The following SLC4A7 variants were observed in gnomAD, a reference collection of about 807,000 sequenced individuals.
SLC4A7 encodes the protein solute carrier family 4 member 7, also known as sodium bicarbonate cotransporter 3.
A neutral mutation model predicts 137.6 loss-of-function variants in SLC4A7; 51 were observed. The observed-to-expected ratio is 0.37, with a 90% CI of 0.30 to 0.47. SLC4A7 has a LOEUF of 0.47. SLC4A7 is among the 20% of genes least tolerant of loss of function. The pLI, the probability that SLC4A7 is intolerant of heterozygous loss-of-function variation, is 1.00. For synonymous variants in SLC4A7, 542 were observed against 518.6 expected, an observed-to-expected ratio of 1.05 and a Z score of -0.61; for missense variants, 1,247 against 1,525.4, an observed-to-expected ratio of 0.82 and a Z score of 3.04.
chr3:27,435,850 C>G (rs568314330), intron 5 of SLC4A7, among the ~76,000 whole-genome samples: 2 of 151,830 alleles, frequency 1.3e-5, no homozygotes, highest in East Asian at 1.9e-4. Context: ...GTGATCCCCC[C>G]CTTAAAAAAA....
intron 11 of SLC4A7, among the ~76,000 whole-genome samples, chr3:27,416,980 AT>A (rs1412336175): frequency 6.6e-6 from 1 of 152,194 alleles, no homozygotes; most frequent in Non-Finnish European, 1.5e-5. Flanking sequence ...TAGAAAGCTG[AT>A]TTTAAAGCCT....
intron 15 of SLC4A7, among the ~76,000 whole-genome samples, chr3:27,401,860 A>G (rs1055319382): frequency 1.3e-5 from 2 of 152,236 alleles, no homozygotes; most frequent in African/African-American, 4.8e-5. Context: ...AAAGGCAAGG[A>G]AAGAAAGATT....
intron 1 of SLC4A7, among the ~76,000 whole-genome samples, chr3:27,464,757 C>A (rs944250473): frequency 6.6e-6 from 1 of 151,866 alleles, no homozygotes; most frequent in Non-Finnish European, 1.5e-5. Context: ...GTGAGACAGT[C>A]AAGTAAAAAG....
At chr3:27,423,852 G>T in intron 8 of SLC4A7, 185 bp downstream of exon 8, 1 of 521,906 alleles carries the variant, frequency 1.9e-6, no homozygotes, top group Non-Finnish European at 3.4e-6. Flanking sequence ...GTACTCACAG[G>T]TTAACTGTAA....
intron 4 of SLC4A7, among the ~76,000 whole-genome samples, chr3:27,436,764 A>G (rs2056770375): frequency 6.6e-6 from 1 of 152,182 alleles, no homozygotes; most frequent in African/African-American, 2.4e-5. Flanking sequence ...GTATCATAAT[A>G]ATAAGCCTAC....
Sources: gnomAD v4.1 joint callset for allele counts (sites outside exome capture counted in the v4.1 genomes callset) on GRCh38, gnomAD v4.1.1 for gene constraint, MANE v1.5 for transcripts, NCBI Gene and HGNC (gene_info 2026-07-23, HGNC 2026-07-21) for gene names.